NBEA: variants seen among roughly 807,000 people sequenced by gnomAD.
NBEA encodes lysosomal-trafficking regulator 2.
NBEA carries 44 observed loss-of-function variants against 343.4 expected under a neutral mutation model. That is an observed-to-expected ratio of 0.13 (90% CI 0.10 to 0.16). The LOEUF (loss-of-function observed/expected upper bound fraction) is 0.16. NBEA is among the 10% of genes least tolerant of loss of function. NBEA has a pLI of 1.00. For missense variants in NBEA, 2,555 were observed against 3,631.3 expected, an observed-to-expected ratio of 0.70 and a Z score of 7.62; for synonymous variants, 1,175 against 1,238.7, an observed-to-expected ratio of 0.95 and a Z score of 1.08.
intron 1 of NBEA, among the ~76,000 whole-genome samples, chr13:34,986,025 CTCTA>C (rs908269396): frequency 1.3e-5 from 2 of 150,294 alleles, no homozygotes; most frequent in African/African-American, 4.9e-5. Flanking sequence ...TTTTTTGTGT[CTCTA>C]TCTCTTTCAG....
intron 1 of NBEA, among the ~76,000 whole-genome samples, chr13:34,982,991 T>C (rs954102871): frequency 3.9e-5 from 6 of 152,180 alleles, no homozygotes; most frequent in Non-Finnish European, 8.8e-5. Flanking sequence ...GATTGTTATC[T>C]GTTCCTCAGG....
chr13:35,472,445 T>C lies in NBEA; in HGVS notation c.6494T>C (p.Val2165Ala), dbSNP rs1322114054. 6.2e-7 allele frequency: 1 copy of C among 1,613,870 alleles called. No individual in the cohort carries two copies. Among genetic ancestry groups the C allele is most frequent in the Admixed American group, 1.7e-5 (1 of 60,006 alleles). ...STPAQLIAPV[V>A]VAKGTLSITT... ...CCTGCCCAGCTCATCGCTCCCGTGG[T>C]GGTGGCCAAGGGGACTCTCTCCATC... Residue 2165 changes from valine (V) to alanine (A), a missense_variant, in exon 41 of 59, where the codon GTG becomes GCG. Val to Ala is a moderately conservative substitution (Grantham distance 64). Coordinates refer to ENST00000379939, the MANE Select transcript of NBEA (RefSeq NM_001385012.1).
At chr13:35,003,287 G>A (rs918869077) in intron 1 of NBEA, among the ~76,000 whole-genome samples, 3 of 152,136 alleles carry the variant, frequency 2.0e-5, no homozygotes, top group Non-Finnish European at 2.9e-5. Flanking sequence ...GGGGGCTGAG[G>A]TAAGAGAATT....
chr13:35,238,888 C>T (rs1057157870), intron 34 of NBEA, among the ~76,000 whole-genome samples: 24 of 151,972 alleles, frequency 1.6e-4, no homozygotes, highest in African/African-American at 4.6e-4. Flanking sequence ...TCTACCTTCA[C>T]CAAAGAGGAT....
chr13:35,596,019 A>G lies in NBEA; in HGVS notation c.7296+2572A>G, dbSNP rs192156112. 4.6e-5 allele frequency among the ~76,000 whole-genome samples: 7 copies of G among 152,152 alleles called. No individual in the cohort carries two copies. In the South Asian group the frequency reaches 8.3e-4, roughly 18 times the overall value. Reference sequence around the variant, plus strand: ...ATTTGAAAAAGATCTTTGAAGTTGCAGAAGGTTCCATTGCAAGTAGGGTTT... The same window carrying G: ...ATTTGAAAAAGATCTTTGAAGTTGCGGAAGGTTCCATTGCAAGTAGGGTTT... On this transcript the variant is annotated intron_variant, in intron 47 of 58. Transcript: ENST00000379939.
rs565334100 is a variant in NBEA, at chr13:35,449,432, G to A, written c.6305-2660G>A. 1.6e-4 allele frequency among the ~76,000 whole-genome samples: 24 copies of A among 152,276 alleles called. No homozygotes were observed. In the South Asian group the frequency reaches 2.5e-3, roughly 16 times the overall value. On this transcript the variant is annotated intron_variant, in intron 39 of 58. Transcript: ENST00000379939. The stretch of plus-strand genomic sequence containing the variant: ...CTAAAGTACATGGTTGGCCAAAATA[G>A]GAGGAGGAGAAGGAGCAAGAGACAA...
chr13:35,002,277 G>A (rs1419224690), intron 1 of NBEA, among the ~76,000 whole-genome samples: 1 of 152,110 alleles, frequency 6.6e-6, no homozygotes, highest in African/African-American at 2.4e-5. Context: ...AGTGTTCTCT[G>A]ACATACTCAA....
At chr13:35,048,960 A>G (rs1225295249) in intron 5 of NBEA, among the ~76,000 whole-genome samples, 3 of 151,838 alleles carry the variant, frequency 2.0e-5, no homozygotes, top group Admixed American at 6.6e-5. Flanking sequence ...CCTTCAATGT[A>G]TATCAGTTGT....
At position 35,542,810 on chromosome 13, in the gene NBEA, AAGTAG is replaced by A. The variant is rs1015312706; in HGVS notation, c.6586-7661_6586-7657del. ...TCAGATATATCCAGTAGAATAAAAT[AAGTAG>A]AGTAGTGATTGATTACTATTATCAT... On this transcript the variant is annotated intron_variant, in intron 41 of 58. Coordinates refer to ENST00000379939, the MANE Select transcript of NBEA (RefSeq NM_001385012.1). Among the ~76,000 whole-genome samples, 176 of 152,220 alleles carry A rather than the reference AAGTAG, an allele frequency of 1.2e-3. 1 individual carries two copies. Among genetic ancestry groups the A allele is most frequent in the Non-Finnish European group, 2.4e-3 (161 of 67,962 alleles).
At chr13:35,320,204 A>G (rs936523937) in intron 36 of NBEA, among the ~76,000 whole-genome samples, 2 of 152,120 alleles carry the variant, frequency 1.3e-5, no homozygotes, top group African/African-American at 4.8e-5. Context: ...GGACTTTACA[A>G]TTTGGTATAT....
At chr13:34,943,699 C>G (rs2059102879) in intron 1 of NBEA, among the ~76,000 whole-genome samples, 1 of 152,214 alleles carries the variant, frequency 6.6e-6, no homozygotes, top group Non-Finnish European at 1.5e-5. Context: ...CCCCCTCCAT[C>G]TCAGAAGCAG....
intron 45 of NBEA, among the ~76,000 whole-genome samples, chr13:35,576,316 C>G (rs2080740248): frequency 6.6e-6 from 1 of 151,886 alleles, no homozygotes; most frequent in Non-Finnish European, 1.5e-5. Context: ...GGGGTTTCAT[C>G]ATGTTGGCCA....
intron 38 of NBEA, among the ~76,000 whole-genome samples, chr13:35,429,938 C>G (rs2152929576): frequency 6.6e-6 from 1 of 152,036 alleles, no homozygotes; most frequent in Non-Finnish European, 1.5e-5. Context: ...GTGCAAGTTT[C>G]TTTTTTGTAT....
At chr13:35,491,570 A>AT (rs1254161121) in intron 41 of NBEA, among the ~76,000 whole-genome samples, 1 of 151,798 alleles carries the variant, frequency 6.6e-6, no homozygotes, top group Admixed American at 6.6e-5. Context: ...TGTACCCAAT[A>AT]TCCAGAGTGT....
intron 38 of NBEA, among the ~76,000 whole-genome samples, chr13:35,358,900 G>C (rs773034336): frequency 2.2e-4 from 34 of 151,792 alleles, no homozygotes; most frequent in Admixed American, 1.8e-3. Context: ...CTTTAGCAAA[G>C]GGTGGTGTGT....
chr13:35,552,972 C>A (rs2079407184), intron 43 of NBEA, among the ~76,000 whole-genome samples: 1 of 151,928 alleles, frequency 6.6e-6, no homozygotes, highest in Non-Finnish European at 1.5e-5. Context: ...CTCACCGCAG[C>A]CTTGATGTCC....
chr13:35,232,792 A>G (rs2075043467), intron 34 of NBEA, among the ~76,000 whole-genome samples, 173 bp downstream of exon 34: 2 of 152,082 alleles, frequency 1.3e-5, no homozygotes, highest in African/African-American at 2.4e-5. Flanking sequence ...TTTAAATAAC[A>G]TGTTTGCATG....
chr13:35,273,559 G>T (rs1487208871), intron 34 of NBEA, among the ~76,000 whole-genome samples: 1 of 151,880 alleles, frequency 6.6e-6, no homozygotes, highest in African/African-American at 2.4e-5. Context: ...TTCAAAAAAA[G>T]TCAGTGAATC....
intron 41 of NBEA, among the ~76,000 whole-genome samples, chr13:35,541,182 GC>G (rs35007017): frequency 0.073 from 10,968 of 151,260 alleles, 428 homozygotes; most frequent in South Asian, 0.094. Flanking sequence ...TGTGTCCGTT[GC>G]CCCCCCACCC....
Sources: allele counts gnomAD v4.1 joint callset (sites outside exome capture counted in the v4.1 genomes callset), GRCh38; gene constraint gnomAD v4.1.1; transcripts MANE v1.5; gene names NCBI Gene and HGNC (gene_info 2026-07-23, HGNC 2026-07-21).